Variants in DST observed in about 807,000 individuals in gnomAD.
DST encodes dystonin, also known as bullous pemphigoid antigen.
In DST, 253 loss-of-function variants were observed where a neutral mutation model predicts 875.2. The ratio of observed to expected loss-of-function variants is 0.29; its 90% CI spans 0.26 to 0.32. The LOEUF (loss-of-function observed/expected upper bound fraction) is 0.32, where lower values mean the gene tolerates loss of function less well. DST is among the 10% of genes least tolerant of loss of function. The pLI is 1.00. For missense variants in DST, 8,287 were observed against 9,111.6 expected, an observed-to-expected ratio of 0.91 and a Z score of 3.68; for synonymous variants, 3,124 against 3,197.1, an observed-to-expected ratio of 0.98 and a Z score of 0.77.
At chr6:56,749,155 T>C (rs1191152906) in intron 4 of DST, among the ~76,000 whole-genome samples, 6 of 151,974 alleles carry the variant, frequency 3.9e-5, no homozygotes, top group African/African-American at 1.2e-4. Flanking sequence ...GTCAGGAGTT[T>C]AAGGCTGGCC....
At chr6:56,929,013 A>AT (rs1035882935) in intron 2 of DST, among the ~76,000 whole-genome samples, 6 of 151,972 alleles carry the variant, frequency 3.9e-5, no homozygotes, top group African/African-American at 7.2e-5. Context: ...AAAAATACTG[A>AT]TTTTTTTTCC....
intron 47 of DST, among the ~76,000 whole-genome samples, chr6:56,596,980 T>C (rs2152694658): frequency 6.6e-6 from 1 of 152,322 alleles, no homozygotes; most frequent in South Asian, 2.1e-4. Flanking sequence ...CAGTGGCTCA[T>C]GCCTGTAATC....
intron 68 of DST, 76 bp from the exon 69 acceptor site, chr6:56,526,643 G>A: frequency 7.4e-7 from 1 of 1,358,850 alleles, no homozygotes; most frequent in Non-Finnish European, 1.0e-6. Flanking sequence ...TGGAGCTCAA[G>A]TCCTTTGCAG....
rs781420170 is a variant in DST at position 56,517,489 on chromosome 6, G to A, written c.18249+12C>T. ...AATAATTCATATGGCAATTGGAAAT[G>A]TATTTCTTCACCTTTTGAACTTGAA... On this transcript the variant is annotated intron_variant, in intron 70 of 103. Transcript: ENST00000680361. The A allele has an allele frequency of 1.9e-6, 3 of 1,610,638 alleles. No individual in the cohort carries two copies. Among genetic ancestry groups the A allele is most frequent in the Non-Finnish European group, 2.5e-6 (3 of 1,178,194 alleles).
At chr6:56,750,027 C>G (rs1286631647) in intron 4 of DST, among the ~76,000 whole-genome samples, 1 of 152,142 alleles carries the variant, frequency 6.6e-6, no homozygotes, top group Non-Finnish European at 1.5e-5. Flanking sequence ...CGCTGCACCC[C>G]TCTCCCTGCA....
intron 5 of DST, among the ~76,000 whole-genome samples, chr6:56,710,891 G>C (rs1337715016): frequency 6.6e-6 from 1 of 152,136 alleles, no homozygotes; most frequent in African/African-American, 2.4e-5. Context: ...GTTTTTTAAG[G>C]TACTACGTTA....
In DST at chr6:56,636,609, T is replaced by C. The variant is rs1366464246; in HGVS notation, c.3008A>G (p.Gln1003Arg). ...AMQTQWSWIL[Q>R]LCQCVEQHIK... is the part of the protein sequence containing the mutation. The stretch of plus-strand genomic sequence containing the variant: ...GTGCTGCTCCACACACTGGCAGAGC[T>C]GTAAGATCCAGCTCCACTGCGTCTG... The change falls in exon 23 of 104, where the codon CAG (glutamine) becomes CGG (arginine). Residue 1003 changes from glutamine (Q) to arginine (R), a missense_variant. Gln to Arg is a conservative substitution (Grantham distance 43). This residue lies in a region of DST where 1,160 missense variants were observed against 1,424.3 expected (regional missense o/e 0.81). Transcript: ENST00000680361. The C allele has an allele frequency of 1.2e-6, 2 of 1,613,568 alleles. No individual in the cohort carries two copies. The highest frequency in any genetic ancestry group is 2.7e-5 in the African/African-American group (2 of 74,936).
chr6:56,686,561 C>T (rs920863581), intron 9 of DST, among the ~76,000 whole-genome samples: 7 of 152,082 alleles, frequency 4.6e-5, no homozygotes, highest in Non-Finnish European at 8.8e-5. Context: ...AGAAGGCTAA[C>T]AAAGTTTTAA....
chr6:56,874,917 C>T (rs1447368760), intron 3 of DST, among the ~76,000 whole-genome samples: 1 of 152,216 alleles, frequency 6.6e-6, no homozygotes, highest in Non-Finnish European at 1.5e-5. Context: ...CAATCGCACA[C>T]AAACACATAA....
intron 49 of DST, among the ~76,000 whole-genome samples, chr6:56,590,725 A>C (rs1372255082): frequency 6.6e-6 from 1 of 152,146 alleles, no homozygotes; most frequent in Admixed American, 6.5e-5. Flanking sequence ...CCTAGTGTCC[A>C]GTGAAGGGCT....
At chr6:56,489,987 G>C (rs1362800066) in intron 85 of DST, among the ~76,000 whole-genome samples, 1 of 152,118 alleles carries the variant, frequency 6.6e-6, no homozygotes, top group African/African-American at 2.4e-5. Context: ...ACTGCTGTCT[G>C]TTGACAGATC....
rs779864778 is a variant in DST at position 56,552,771 on chromosome 6, C to A, written c.16021G>T (p.Val5341Leu). 3.1e-6 allele frequency: 5 copies of A among 1,610,290 alleles called. No homozygotes were observed. In the African/African-American group the frequency reaches 5.3e-5, roughly 17 times the overall value. ...LAKRLAQDLV[V>L]EASDSKGTSD... The stretch of plus-strand genomic sequence containing the variant: ...GTTCCCTTTGAGTCTGAGGCCTCTA[C>A]CACAAGGTCCTGTGCAAGTCTTTTA... Residue 5341 changes from valine to leucine, a missense_variant, in exon 61 of 104, where the codon GTA (valine) becomes TTA (leucine). Coordinates refer to ENST00000680361, the MANE Select transcript of DST (RefSeq NM_001374736.1).
chr6:56,712,379 C>T (rs1448099234), intron 5 of DST, among the ~76,000 whole-genome samples: 4 of 152,132 alleles, frequency 2.6e-5, no homozygotes, highest in Non-Finnish European at 5.9e-5. Flanking sequence ...CTCCTACTTT[C>T]TCATAATTTG....
intron 2 of DST, among the ~76,000 whole-genome samples, chr6:56,905,689 C>T (rs1796090459): frequency 6.6e-6 from 1 of 151,416 alleles, no homozygotes; most frequent in Non-Finnish European, 1.5e-5. Context: ...TGCTTTGTCA[C>T]CCAGGCTGAA....
chr6:56,598,890 A>G (rs1218272350), intron 45 of DST, among the ~76,000 whole-genome samples, 181 bp from the exon 46 acceptor site: 1 of 152,132 alleles, frequency 6.6e-6, no homozygotes, highest in Non-Finnish European at 1.5e-5. Flanking sequence ...TTGAAACTCA[A>G]ACAATATTAA....
At chr6:56,598,818 G>A (rs2098416668) in intron 45 of DST, 109 bp from the exon 46 acceptor site, 2 of 504,044 alleles carry the variant, frequency 4.0e-6, no homozygotes, top group Admixed American at 7.7e-5. Context: ...TCTAGTATAT[G>A]TAGCTTGAAT....
intron 3 of DST, chr6:56,871,840 A>C: frequency 7.1e-6 from 2 of 282,790 alleles, no homozygotes; most frequent in Non-Finnish European, 1.3e-5. Context: ...AGGGTAAAGC[A>C]AATCAAGCCC....
intron 3 of DST, among the ~76,000 whole-genome samples, chr6:56,878,994 G>C (rs1213270584): frequency 1.3e-5 from 2 of 152,122 alleles, no homozygotes; most frequent in Non-Finnish European, 2.9e-5. Flanking sequence ...CCTGCCTTGA[G>C]TTTTTCCTTA....
chr6:56,482,974 AAGATATCTAAGACC>A (rs2095446842), intron 88 of DST, 97 bp from the exon 89 acceptor site: 1 of 845,510 alleles, frequency 1.2e-6, no homozygotes, highest in Admixed American at 3.4e-5. Flanking sequence ...ACATCATGTA[AAGATATCTAAGACC>A]TACAGTTTAA....
Sources: allele counts gnomAD v4.1 joint callset (sites outside exome capture counted in the v4.1 genomes callset), GRCh38; gene constraint gnomAD v4.1.1; regional missense constraint gnomAD v4.1.1; transcripts MANE v1.5; gene names NCBI Gene and HGNC (gene_info 2026-07-23, HGNC 2026-07-21).